Variants in FARP1 observed in about 807,000 individuals in gnomAD.
FARP1 encodes FERM, ARHGEF and pleckstrin domain-containing protein 1.
FARP1 carries 52 observed loss-of-function variants against 128.8 expected under a neutral mutation model. That is an observed-to-expected ratio of 0.40 (90% CI 0.32 to 0.51). The LOEUF is 0.51. FARP1 is among the 20% of genes least tolerant of loss of function. The probability of loss-of-function intolerance (pLI) is 0.45; values close to 1 mark genes in which losing one functional copy is unlikely to be tolerated. For synonymous variants in FARP1, 580 were observed against 551.8 expected, an observed-to-expected ratio of 1.05 and a Z score of -0.72; for missense variants, 1,333 against 1,367.9, an observed-to-expected ratio of 0.97 and a Z score of 0.40.
chr13:98,153,558 T>TATGTATAAATATGTATAAATATATATTTA (rs1555322412), intron 1 of FARP1, among the ~76,000 whole-genome samples: 2 of 116,444 alleles, frequency 1.7e-5, no homozygotes, highest in Non-Finnish European at 1.7e-5. Context: ...AAATATATAT[T>TATGTATAAATATGTATAAATATATATTTA]TATATATATT....
intron 2 of FARP1, among the ~76,000 whole-genome samples, chr13:98,296,300 A>T (rs1885684298): frequency 6.6e-6 from 1 of 151,648 alleles, no homozygotes; most frequent in Non-Finnish European, 1.5e-5. Context: ...TGGCCCCCCG[A>T]TTGCAGGTAC....
At chr13:98,157,790 T>G (rs1201476162) in intron 1 of FARP1, among the ~76,000 whole-genome samples, 1 of 152,248 alleles carries the variant, frequency 6.6e-6, no homozygotes, top group Non-Finnish European at 1.5e-5. Context: ...CACATCTGCA[T>G]TCCTAATGCC....
intron 2 of FARP1, among the ~76,000 whole-genome samples, chr13:98,288,080 G>A (rs555508004): frequency 3.3e-5 from 5 of 152,168 alleles, no homozygotes; most frequent in South Asian, 2.1e-4. Context: ...GATTACAGAC[G>A]TGAGCCTCCG....
At chr13:98,232,011 G>A (rs1325946762) in intron 2 of FARP1, among the ~76,000 whole-genome samples, 1 of 151,914 alleles carries the variant, frequency 6.6e-6, no homozygotes, top group East Asian at 1.9e-4. Flanking sequence ...TGTATTTTTA[G>A]TAAAGATGGG....
At chr13:98,351,737 C>A (rs780635474) in intron 3 of FARP1, among the ~76,000 whole-genome samples, 1 of 151,892 alleles carries the variant, frequency 6.6e-6, no homozygotes, top group Non-Finnish European at 1.5e-5. Flanking sequence ...TAGGAACAGG[C>A]GTGTCATGCT....
intron 1 of FARP1, among the ~76,000 whole-genome samples, chr13:98,181,597 ATTATTTATTTATTTATTTATTTAT>A (rs56127904): frequency 4.4e-5 from 6 of 135,560 alleles, no homozygotes; most frequent in East Asian, 2.1e-4. Flanking sequence ...TAGAAATAAT[ATTATTTATTTATTTATTTATTTAT>A]TTATTTATTT....
chr13:98,216,607 GC>G (rs66562706), intron 2 of FARP1, among the ~76,000 whole-genome samples: 1,960 of 152,246 alleles, frequency 0.013, 35 homozygotes, highest in African/African-American at 0.045. Context: ...TATAGGCAAA[GC>G]AGTCATTTAA....
At chr13:98,281,008 A>G (rs1884910527) in intron 2 of FARP1, among the ~76,000 whole-genome samples, 1 of 152,218 alleles carries the variant, frequency 6.6e-6, no homozygotes, top group African/African-American at 2.4e-5. Context: ...TTGGACAATT[A>G]TGTATTATAA....
At chr13:98,186,379 A>G (rs1878872000) in intron 1 of FARP1, among the ~76,000 whole-genome samples, 1 of 151,952 alleles carries the variant, frequency 6.6e-6, no homozygotes, top group South Asian at 2.1e-4. Context: ...AAGTGCTGGG[A>G]TTACAGATGT....
At chr13:98,186,908 C>T (rs1165981373) in intron 1 of FARP1, among the ~76,000 whole-genome samples, 3 of 137,054 alleles carry the variant, frequency 2.2e-5, no homozygotes, top group Non-Finnish European at 3.1e-5. Flanking sequence ...GTAAGAATTG[C>T]TTGAACCCAG....
In FARP1 at chr13:98,450,299, G is replaced by A. The variant is rs1260627782; in HGVS notation, c.*1982G>A. On this transcript the variant is annotated 3_prime_UTR_variant, in exon 27 of 27. Transcript: ENST00000319562. ...TCTGCCTTTGCTGACACATTTTATA[G>A]CAGAAATACACAAGCTGTTTTTAAA... 1 of 152,164 alleles carries A rather than the reference G, an allele frequency of 6.6e-6. No homozygotes were observed. The highest frequency in any genetic ancestry group is 1.5e-5 in the Non-Finnish European group (1 of 68,032). The allele number at this position is 152,164 out of a possible 1,614,324, so 9.4% of individuals were successfully genotyped here. A position where few individuals can be genotyped will look rare whatever the true frequency, so the allele number is the denominator to read the frequency against.
chr13:98,151,456 G>GT (rs1198383139), intron 1 of FARP1, among the ~76,000 whole-genome samples: 1 of 151,954 alleles, frequency 6.6e-6, no homozygotes, highest in East Asian at 1.9e-4. Context: ...AGCAAGTATT[G>GT]TAAGGTCAAG....
chr13:98,273,587 C>G (rs1017986624), intron 2 of FARP1, among the ~76,000 whole-genome samples: 1 of 152,232 alleles, frequency 6.6e-6, no homozygotes, highest in African/African-American at 2.4e-5. Flanking sequence ...CTGAAATGAG[C>G]TGTGCAAGGC....
rs1881113131 is a variant in FARP1, at chr13:98,217,193, T to C, written c.171+3780T>C. Among the ~76,000 whole-genome samples, 4 of 152,236 alleles carry C rather than the reference T, an allele frequency of 2.6e-5. No homozygotes were observed. The South Asian group carries it at 8.3e-4, about 31-fold the overall frequency. On this transcript the variant is annotated intron_variant, in intron 2 of 26. Transcript: ENST00000319562. ...TGTATTTTCATTAGCAGTGTTTCTA[T>C]AGGAAGAGCAGAGGAAATAAGACAC...
chr13:98,442,458 G>A (rs1892564175), intron 24 of FARP1, among the ~76,000 whole-genome samples: 2 of 152,332 alleles, frequency 1.3e-5, no homozygotes, highest in South Asian at 4.1e-4. Context: ...CGAGGTGCAG[G>A]CCCTGGCTCC....
chr13:98,228,526 A>G (rs1433008902), intron 2 of FARP1, among the ~76,000 whole-genome samples: 2 of 152,014 alleles, frequency 1.3e-5, no homozygotes, highest in Admixed American at 1.3e-4. Context: ...TTTCCCTACC[A>G]TTCATCGCAT....
At chr13:98,249,871 C>T (rs1416225208) in intron 2 of FARP1, among the ~76,000 whole-genome samples, 1 of 152,172 alleles carries the variant, frequency 6.6e-6, no homozygotes, top group African/African-American at 2.4e-5. Flanking sequence ...TTCCCCACCT[C>T]TCTCCCTTCA....
In FARP1 at chr13:98,384,723, T is replaced by G. The variant is rs750706849; in HGVS notation, c.497-7T>G. 25 of 1,581,358 alleles carry G rather than the reference T, an allele frequency of 1.6e-5. No individual in the cohort carries two copies. The highest frequency in any genetic ancestry group is 5.4e-5 in the African/African-American group (4 of 74,228). ...CGTGACCTGTTTTTCTTTCTGTTTC[T>G]TTTTAGCTGAGATTGGGGATTTTGA... On this transcript the variant is annotated splice_region_variant and splice_polypyrimidine_tract_variant and intron_variant, in intron 6 of 26. Coordinates refer to ENST00000319562, the MANE Select transcript of FARP1 (RefSeq NM_005766.4).
chr13:98,173,339 ACTC>A (rs558132971), intron 1 of FARP1, among the ~76,000 whole-genome samples: 33 of 151,980 alleles, frequency 2.2e-4, no homozygotes, highest in Middle Eastern at 3.4e-3. Flanking sequence ...ACTTATAAAA[ACTC>A]CTTAGAAGGA....
Sources: gnomAD v4.1 joint callset for allele counts (sites outside exome capture counted in the v4.1 genomes callset) on GRCh38, gnomAD v4.1.1 for gene constraint, MANE v1.5 for transcripts, NCBI Gene and HGNC (gene_info 2026-07-23, HGNC 2026-07-21) for gene names.